CPXM2: variants seen among roughly 807,000 people sequenced by gnomAD.
CPXM2 encodes inactive carboxypeptidase-like protein X2.
Under a neutral mutation model 86.1 loss-of-function variants are expected in CPXM2, and 66 were observed. The observed-to-expected ratio is 0.77, with a 90% CI of 0.63 to 0.94. The LOEUF (loss-of-function observed/expected upper bound fraction) is 0.94, where lower values mean the gene tolerates loss of function less well. Ranked by LOEUF, CPXM2 falls within the 40% of genes least tolerant of loss-of-function variation. The pLI is 0.00. For synonymous variants in CPXM2, 388 were observed against 400.2 expected (o/e 0.97, Z 0.36); for missense variants, 948 against 1,026.3 (o/e 0.92, Z 1.04).
At position 123,881,230 on chromosome 10, in the gene CPXM2, T is replaced by TGCC. The variant is rs1945084539; in HGVS notation, c.305-922_305-921insGGC. 3.0e-5 allele frequency among the ~76,000 whole-genome samples: 2 copies of TGCC among 66,896 alleles called. 1 individual carries two copies. The highest frequency in any genetic ancestry group is 2.0e-4 in the African/African-American group (2 of 10,248). 43.9% of individuals were successfully genotyped at this position (66,896 alleles called of 152,430 possible). ...GTTGTTCCTTCTCCTGGAGCACCCT[T>TGCC]CTCTTCCCTTCCCTTCCCTTCCCTT... On this transcript the variant is annotated intron_variant, in intron 1 of 13. Coordinates refer to ENST00000241305, the MANE Select transcript of CPXM2 (RefSeq NM_198148.3).
In CPXM2 at chr10:123,880,091, C is replaced by A. The variant is rs920132427; in HGVS notation, c.403+120G>T. ...CATGGATCGGAATAGACAGCAGGCC[C>A]CAGGCAGCCCCACACTCGGGAATCT... On this transcript the variant is annotated intron_variant, in intron 2 of 13. Coordinates refer to ENST00000241305, the MANE Select transcript of CPXM2 (RefSeq NM_198148.3). The A allele has an allele frequency of 7.8e-6, 5 of 637,338 alleles. No individual in the cohort carries two copies. In the Admixed American group the frequency reaches 1.0e-4, roughly 13 times the overall value. The allele number at this position is 637,338 out of a possible 1,614,324, so 39.5% of individuals were successfully genotyped here.
At chr10:123,750,660 C>G in intron 13 of CPXM2, 2 of 975,544 alleles carry the variant, frequency 2.1e-6, no homozygotes, top group Non-Finnish European at 2.4e-6. Context: ...GTTTTGCTCA[C>G]CGCAGTATTT....
chr10:123,752,031 C>T lies in CPXM2; in HGVS notation c.2017+2632G>A, dbSNP rs907708326. 3.0e-5 allele frequency: 30 copies of T among 985,228 alleles called. No homozygotes were observed. The African/African-American group carries it at 5.2e-4, about 17-fold the overall frequency. The allele number at this position is 985,228 out of a possible 1,614,324, so 61.0% of individuals were successfully genotyped here. A position where few individuals can be genotyped will look rare whatever the true frequency, so the allele number is the denominator to read the frequency against. ...TCAGTTCAAAACTCCCACATTTTCT[C>T]ACATTGCATACAAAGCACTAAATAG... On this transcript the variant is annotated intron_variant, in intron 13 of 13. Transcript: ENST00000241305.
chr10:123,790,894 C>T (rs544984783), intron 6 of CPXM2, among the ~76,000 whole-genome samples: 10 of 152,284 alleles, frequency 6.6e-5, no homozygotes, highest in Admixed American at 1.3e-4. Context: ...GAAGAAGATG[C>T]ACTTTCTAGG....
At chr10:123,822,137 C>T (rs966058612) in intron 4 of CPXM2, among the ~76,000 whole-genome samples, 1 of 152,232 alleles carries the variant, frequency 6.6e-6, no homozygotes, top group Non-Finnish European at 1.5e-5. Context: ...CTGAAAGACA[C>T]ATGCCACAAA....
At chr10:123,894,016 C>T (rs1945313900), upstream of CPXM2, among the ~76,000 whole-genome samples, 1 of 152,210 alleles carries the variant, frequency 6.6e-6, no homozygotes, top group Non-Finnish European at 1.5e-5. Context: ...CTAAGAAGTT[C>T]CTCAGGTAAT....
intron 6 of CPXM2, among the ~76,000 whole-genome samples, chr10:123,784,579 T>C (rs949414331): frequency 2.0e-5 from 3 of 152,178 alleles, no homozygotes; most frequent in Non-Finnish European, 2.9e-5. Flanking sequence ...TCCTCAGACA[T>C]GGTCATAAAA....
chr10:123,771,168 C>T (rs1846620485), intron 7 of CPXM2, 129 bp from the exon 8 acceptor site: 3 of 774,526 alleles, frequency 3.9e-6, no homozygotes, highest in Non-Finnish European at 2.2e-6. Context: ...TTCTGCACAC[C>T]CCAGCTGCTA....
chr10:123,920,733 G>A (rs887807078), intron 2 of CPXM2, among the ~76,000 whole-genome samples: 1 of 152,200 alleles, frequency 6.6e-6, no homozygotes, highest in African/African-American at 2.4e-5. Context: ...ACCTTTAAGA[G>A]GTGATTAGGT....
chr10:123,877,463 C>T (rs1250113475), intron 2 of CPXM2, among the ~76,000 whole-genome samples: 1 of 152,162 alleles, frequency 6.6e-6, no homozygotes, highest in Admixed American at 6.5e-5. Context: ...GCTGGTTGGG[C>T]CCACATCTGT....
chr10:123,927,357 T>C (rs1590126169), intron 2 of CPXM2, among the ~76,000 whole-genome samples: 1 of 152,356 alleles, frequency 6.6e-6, no homozygotes, highest in East Asian at 1.9e-4. Flanking sequence ...TGCCTCATTG[T>C]TGTTGAGTTG....
chr10:123,848,636 T>C (rs181309819), intron 3 of CPXM2, among the ~76,000 whole-genome samples: 5 of 152,364 alleles, frequency 3.3e-5, no homozygotes, highest in Admixed American at 6.5e-5. Context: ...ATCTGGGAAA[T>C]GCTTTAGCCA....
intron 10 of CPXM2, among the ~76,000 whole-genome samples, chr10:123,765,723 T>G (rs538786908): frequency 6.6e-6 from 1 of 152,226 alleles, no homozygotes; most frequent in Non-Finnish European, 1.5e-5. Context: ...TGCCGCCGTC[T>G]GTCTTCATCA....
At chr10:123,901,431 G>T (rs1005108630) in intron 2 of CPXM2, among the ~76,000 whole-genome samples, 1 of 83,494 alleles carries the variant, frequency 1.2e-5, no homozygotes, top group Non-Finnish European at 2.5e-5. Context: ...AAGCAAGTTT[G>T]TGTGTGTGTG....
At chr10:123,755,965 C>T (rs529766149) in intron 12 of CPXM2, among the ~76,000 whole-genome samples, 1 of 152,288 alleles carries the variant, frequency 6.6e-6, no homozygotes, top group East Asian at 1.9e-4. Context: ...GTGAGAGGTT[C>T]CCCAAAGAAG....
intron 7 of CPXM2, among the ~76,000 whole-genome samples, chr10:123,773,419 C>T (rs1275064680): frequency 6.6e-6 from 1 of 152,174 alleles, no homozygotes; most frequent in East Asian, 1.9e-4. Context: ...CGTTGTGGTT[C>T]TCACCTCCCT....
chr10:123,874,170 C>T (rs959470006), intron 2 of CPXM2, among the ~76,000 whole-genome samples: 1 of 152,014 alleles, frequency 6.6e-6, no homozygotes, highest in Admixed American at 6.6e-5. Context: ...GCCTATTTCT[C>T]ACATTTCTAA....
chr10:123,792,088 C>G (rs541706560), intron 6 of CPXM2, among the ~76,000 whole-genome samples: 3 of 152,202 alleles, frequency 2.0e-5, no homozygotes, highest in Non-Finnish European at 2.9e-5. Context: ...GATTTAGCAC[C>G]ATTAGCGAGT....
In CPXM2 at chr10:123,757,299, C is replaced by G. The variant is rs115379653; in HGVS notation, c.1831G>C (p.Val611Leu). ...HTNCFELSIY[V>L]GCDKYPHESQ... ...TCATGTGGGTATTTATCACAGCCCA[C>G]GTAGATGGACAGTTCGAAGCAGTTT... Residue 611 changes from valine (V) to leucine (L), a missense_variant, in exon 12 of 14, where the codon GTG (valine) becomes CTG (leucine). Val to Leu is a conservative substitution (Grantham distance 32). Coordinates refer to ENST00000241305, the MANE Select transcript of CPXM2 (RefSeq NM_198148.3). 1 of 1,613,574 alleles carries G rather than the reference C, an allele frequency of 6.2e-7. No individual in the cohort carries two copies. The highest frequency in any genetic ancestry group is 8.5e-7 in the Non-Finnish European group (1 of 1,179,516).
Sources: allele counts gnomAD v4.1 joint callset (sites outside exome capture counted in the v4.1 genomes callset), GRCh38; gene constraint gnomAD v4.1.1; transcripts MANE v1.5; gene names NCBI Gene and HGNC (gene_info 2026-07-23, HGNC 2026-07-21).